Variants in GPR101 observed in about 807,000 individuals in gnomAD.
The protein encoded by GPR101 is probable G protein-coupled receptor 101.
A neutral mutation model predicts 16.4 loss-of-function variants in GPR101; 8 were observed. That is an observed-to-expected ratio of 0.49 (90% CI 0.29 to 0.88). The LOEUF is 0.88. Ranked by LOEUF, GPR101 falls within the 40% of genes least tolerant of loss-of-function variation. The pLI is 0.09. For synonymous variants in GPR101, 155 were observed against 168.7 expected (o/e 0.92, Z 0.63); for missense variants, 375 against 411.7 (o/e 0.91, Z 0.77).
At position 137,029,692 on chromosome X, in the gene GPR101, C is replaced by T. The variant is rs1927219798; in HGVS notation, c.*456G>A. Reference sequence around the variant, plus strand: ...TCCATTAGGTTCTGTTTCTTGGGCTCCATGAATGATTTGGTCCATTGCCTT... The same window carrying T: ...TCCATTAGGTTCTGTTTCTTGGGCTTCATGAATGATTTGGTCCATTGCCTT... On this transcript the variant is annotated 3_prime_UTR_variant, in exon 2 of 2. Transcript: ENST00000651716. Among the ~76,000 whole-genome samples the T allele has an allele frequency of 8.9e-6, 1 of 111,862 alleles. No homozygotes were observed. The highest frequency in any genetic ancestry group is 9.4e-5 in the Admixed American group (1 of 10,584).
At chrX:137,032,557 G>T (rs1927288050) in intron 1 of GPR101, among the ~76,000 whole-genome samples, 2 of 109,826 alleles carry the variant, frequency 1.8e-5, no homozygotes, top group African/African-American at 6.7e-5. Context: ...CATCTTTGTG[G>T]GTCCCTAGCG....
rs772766645 is a variant in GPR101, at chrX:137,031,112, G to C, written c.563C>G (p.Ala188Gly). ...GCTGAGAATAGTGTAGCTGGGGCTG[G>C]CCCCCCAGATCATGGAGCAGAGAGC... ...RNALCSMIWG[A>G]SPSYTILSVV... Residue 188 changes from alanine (A) to glycine (G), a missense_variant, in exon 2 of 2, where the codon GCC (alanine) becomes GGC (glycine). By Grantham distance (60) the Ala-to-Gly change is moderately conservative. Coordinates refer to ENST00000651716, the MANE Select transcript of GPR101 (RefSeq NM_054021.2). The C allele has an allele frequency of 6.6e-6, 8 of 1,210,184 alleles. No homozygotes were observed. In the African/African-American group the frequency reaches 1.2e-4, roughly 18 times the overall value.
rs1927184636 is a variant in GPR101, at chrX:137,027,386, G to A, written c.*2762C>T. Among the ~76,000 whole-genome samples the A allele has an allele frequency of 9.2e-6, 1 of 108,279 alleles. No individual in the cohort carries two copies. The highest frequency in any genetic ancestry group is 3.4e-5 in the African/African-American group (1 of 29,597). 94.0% of individuals were successfully genotyped at this position (108,279 alleles called of 115,157 possible). A position where few individuals can be genotyped will look rare whatever the true frequency, so the allele number is the denominator to read the frequency against. On this transcript the variant is annotated 3_prime_UTR_variant, in exon 2 of 2. Coordinates refer to ENST00000651716, the MANE Select transcript of GPR101 (RefSeq NM_054021.2). ...ATTCAGGGAAAGCTATTGCACATGA[G>A]GATCTGTGAGGCTAATGATGACTTT...
rs1354685938 is a variant in GPR101, at chrX:137,027,502, A to T, written c.*2646T>A. 1.8e-5 allele frequency among the ~76,000 whole-genome samples: 2 copies of T among 111,477 alleles called. No homozygotes were observed. Among genetic ancestry groups the T allele is most frequent in the African/African-American group, 6.5e-5 (2 of 30,612 alleles). On this transcript the variant is annotated 3_prime_UTR_variant, in exon 2 of 2. Transcript: ENST00000651716. Reference sequence around the variant, plus strand: ...AGTGCTTTATTCAAAATAGCAAAAAATTTCGAGTACTTGCTATCTCCAAGC... The same window carrying T: ...AGTGCTTTATTCAAAATAGCAAAAATTTTCGAGTACTTGCTATCTCCAAGC...
rs767507639 is a variant in GPR101, at chrX:137,030,672, C to T, written c.1003G>A (p.Asp335Asn). ...TGGTTGACCTCTGTGCGACCCTTGT[C>T]TGCCTTCATGCTGTTCTCCTCAACT... ...TKVEENSMKA[D>N]KGRTEVNQCS... The change falls in exon 2 of 2, where the codon GAC becomes AAC. Residue 335 changes from aspartate (D) to asparagine (N), a missense_variant. Physicochemically the swap from Asp to Asn is conservative, Grantham distance 23. Coordinates refer to ENST00000651716, the MANE Select transcript of GPR101 (RefSeq NM_054021.2). 2 of 1,211,671 alleles carry T rather than the reference C, an allele frequency of 1.7e-6. No individual in the cohort carries two copies. The highest frequency in any genetic ancestry group is 2.2e-6 in the Non-Finnish European group (2 of 895,461).
Position 137,030,169 on chromosome X carries a change from G to T in GPR101, c.1506C>A (p.Tyr502Ter). The T allele has an allele frequency of 8.4e-7, 1 of 1,185,419 alleles. No homozygotes were observed. The highest frequency in any genetic ancestry group is 3.0e-5 in the East Asian group (1 of 33,694). The change falls in exon 2 of 2, where the codon TAC becomes TAA. Residue 502 changes from tyrosine to a stop codon, truncating the protein, a stop_gained. Coordinates refer to ENST00000651716, the MANE Select transcript of GPR101 (RefSeq NM_054021.2). LOFTEE classifies it high-confidence loss of function. ...AACTTCAAGGAAAAGTAGCAGAATC[G>T]TAGGAAGGGACAATCTTGCCTTCAG... ...GGTEGKIVPS[Y>*]DSATFP
In GPR101 at chrX:137,027,033, C is replaced by A. The variant is rs749061269; in HGVS notation, c.*3115G>T. ...CTGATGGCAAGAGGTAGGCAGGGAG[C>A]TGGAAGTGCAGAGGCCTTCCAAGCA... On this transcript the variant is annotated 3_prime_UTR_variant, in exon 2 of 2. Transcript: ENST00000651716. 9.2e-6 allele frequency among the ~76,000 whole-genome samples: 1 copy of A among 108,659 alleles called. No individual in the cohort carries two copies. Among genetic ancestry groups the A allele is most frequent in the East Asian group, 2.9e-4 (1 of 3,485 alleles). The allele number at this position is 108,659 out of a possible 115,157, so 94.4% of individuals were successfully genotyped here.
rs1460102984 is a variant in GPR101 at position 137,025,244 on chromosome X, T to C, written c.*4904A>G. Among the ~76,000 whole-genome samples the C allele has an allele frequency of 8.9e-6, 1 of 112,548 alleles. No homozygotes were observed. Among genetic ancestry groups the C allele is most frequent in the Non-Finnish European group, 1.9e-5 (1 of 53,385 alleles). ...ACCATGTTCTACATCAGAAACTGAC[T>C]AAGTTGTAGGTCACACATAGAATTT... is the stretch of plus-strand genomic sequence containing the variant. On this transcript the variant is annotated 3_prime_UTR_variant, in exon 2 of 2. Coordinates refer to ENST00000651716, the MANE Select transcript of GPR101 (RefSeq NM_054021.2).
rs1685905824 is a variant in GPR101 at position 137,025,681 on chromosome X, A to T, written c.*4467T>A. ...GGCTTTGGGAGGCAATGATGGAAAC[A>T]CTTGACACCTATTAGCAACCTTCGT... On this transcript the variant is annotated 3_prime_UTR_variant, in exon 2 of 2. Coordinates refer to ENST00000651716, the MANE Select transcript of GPR101 (RefSeq NM_054021.2). Among the ~76,000 whole-genome samples, 1 of 112,263 alleles carries T rather than the reference A, an allele frequency of 8.9e-6. No homozygotes were observed. The highest frequency in any genetic ancestry group is 1.9e-5 in the Non-Finnish European group (1 of 53,261).
Position 137,030,567 on chromosome X carries a change from C to G in GPR101, c.1108G>C (p.Val370Leu). The G allele has an allele frequency of 8.3e-7, 1 of 1,211,375 alleles. No individual in the cohort carries two copies. The change falls in exon 2 of 2, where the codon GTG (valine) becomes CTG (leucine). Residue 370 changes from valine to leucine, a missense_variant. By Grantham distance (32) the Val-to-Leu change is conservative. Coordinates refer to ENST00000651716, the MANE Select transcript of GPR101 (RefSeq NM_054021.2). ...INFSEDDVEAVNIPESLPPSR... is the reference protein window; with the variant it reads ...INFSEDDVEALNIPESLPPSR... The stretch of plus-strand genomic sequence containing the variant: ...GGTGGGAGGCTCTCCGGGATGTTCA[C>G]TGCCTCGACGTCATCCTCACTGAAA...
rs6528416 is a variant in GPR101 at position 137,025,093 on chromosome X, C to T, written c.*5055G>A. On this transcript the variant is annotated 3_prime_UTR_variant, in exon 2 of 2. Transcript: ENST00000651716. Reference sequence around the variant, plus strand: ...ATGACCAATTGTACCAGAATAAGTCCTCACCTGTCATATATCATATTAGGG... The same window carrying T: ...ATGACCAATTGTACCAGAATAAGTCTTCACCTGTCATATATCATATTAGGG... Among the ~76,000 whole-genome samples the T allele has an allele frequency of 0.17, 18,679 of 111,421 alleles. 1,145 individuals are homozygous for T. Among genetic ancestry groups the T allele is most frequent in the South Asian group, 0.3 (790 of 2,628 alleles).
intron 1 of GPR101, among the ~76,000 whole-genome samples, chrX:137,032,471 G>T (rs1211584676): frequency 9.1e-6 from 1 of 110,453 alleles, no homozygotes; most frequent in Non-Finnish European, 1.9e-5. Context: ...TCGCTCGCTA[G>T]TTCATGTGTG....
intron 1 of GPR101, among the ~76,000 whole-genome samples, 110 bp from the exon 2 acceptor site, chrX:137,031,876 C>G (rs1044946702): frequency 8.9e-6 from 1 of 112,163 alleles, no homozygotes; most frequent in Non-Finnish European, 1.9e-5. Flanking sequence ...CCGCACGGCT[C>G]CATCCCCAGT....
At chrX:137,033,708 G>C (rs1320838709) in intron 1 of GPR101, among the ~76,000 whole-genome samples, 94 bp downstream of exon 1, 1 of 112,430 alleles carries the variant, frequency 8.9e-6, no homozygotes, top group East Asian at 2.9e-4. Context: ...AGCAGCCGTC[G>C]GGACGCTTCA....
chrX:137,031,739 G>A lies in GPR101; in HGVS notation c.-65C>T. 1.0e-6 allele frequency: 1 copy of A among 956,282 alleles called. No individual in the cohort carries two copies. Among genetic ancestry groups the A allele is most frequent in the South Asian group, 2.4e-5 (1 of 42,292 alleles). The allele number at this position is 956,282 out of a possible 1,213,427, so 78.8% of individuals were successfully genotyped here. A position where few individuals can be genotyped will look rare whatever the true frequency, so the allele number is the denominator to read the frequency against. On this transcript the variant is annotated 5_prime_UTR_variant, in exon 2 of 2. Transcript: ENST00000651716. ...TGCCGGCACCGGTGGGTGGCAAAGG[G>A]GTGCACAGACCGCACTCAGTGCCTA...
Position 137,030,772 on chromosome X carries a change from C to G in GPR101, c.903G>C (p.Arg301Ser), listed in dbSNP as rs770007794. The G allele has an allele frequency of 8.3e-7, 1 of 1,211,441 alleles. No homozygotes were observed. The highest frequency in any genetic ancestry group is 1.8e-5 in the South Asian group (1 of 56,943). Residue 301 changes from arginine to serine, a missense_variant, in exon 2 of 2, where the codon AGG becomes AGC. By Grantham distance (110) the Arg-to-Ser change is moderately radical (BLOSUM62 -1). Transcript: ENST00000651716. The stretch of plus-strand genomic sequence containing the variant: ...TGCTCTCTCTGACCTCCTCGCTGCC[C>G]CTGGCCTCTACACTACTCTCACTGG... ...TGTSESSVEA[R>S]GSEEVRESST...
Position 137,030,323 on chromosome X carries a change from G to A in GPR101, c.1352C>T (p.Pro451Leu). 1 of 1,210,820 alleles carries A rather than the reference G, an allele frequency of 8.3e-7. No individual in the cohort carries two copies. The highest frequency in any genetic ancestry group is 1.1e-6 in the Non-Finnish European group (1 of 895,094). Residue 451 changes from proline to leucine, a missense_variant, in exon 2 of 2, where the codon CCC becomes CTC. Physicochemically the swap from Pro to Leu is moderately conservative, Grantham distance 98. Transcript: ENST00000651716. ...CTTGTGCATGTAGCCATAGACATAG[G>A]GGTGGATGCAGCACTGCAGGAAGAA... ...WLFFLQCCIH[P>L]YVYGYMHKTI... is the part of the protein sequence containing the mutation.
chrX:137,029,359 G>T lies in GPR101; in HGVS notation c.*789C>A, dbSNP rs1316467945. 1.8e-5 allele frequency among the ~76,000 whole-genome samples: 2 copies of T among 112,186 alleles called. No homozygotes were observed. The highest frequency in any genetic ancestry group is 1.9e-4 in the Admixed American group (2 of 10,608). On this transcript the variant is annotated 3_prime_UTR_variant, in exon 2 of 2. Transcript: ENST00000651716. ...CCCACTATTATTCAAACAGGAGACA[G>T]AAAATATTTGTGTCAATTGACAATT... is the stretch of plus-strand genomic sequence containing the variant.
rs1415296271 is a variant in GPR101, at chrX:137,024,434, A to AAT, written c.*5713_*5714insAT. ...TTAAATTCAAACGTTAAAATATTAAAGAGAACTATTTATTGATTAAATACA... is the reference window on the plus strand; with the variant it reads ...TTAAATTCAAACGTTAAAATATTAAAATGAGAACTATTTATTGATTAAATACA... On this transcript the variant is annotated 3_prime_UTR_variant, in exon 2 of 2. Coordinates refer to ENST00000651716, the MANE Select transcript of GPR101 (RefSeq NM_054021.2). Among the ~76,000 whole-genome samples the AAT allele has an allele frequency of 1.8e-5, 2 of 112,472 alleles. No homozygotes were observed. The highest frequency in any genetic ancestry group is 6.5e-5 in the African/African-American group (2 of 30,973).
Sources: allele counts gnomAD v4.1 joint callset (sites outside exome capture counted in the v4.1 genomes callset), GRCh38; gene constraint gnomAD v4.1.1; transcripts MANE v1.5; gene names NCBI Gene and HGNC (gene_info 2026-07-23, HGNC 2026-07-21).